The following SLC22A9 variants were observed in gnomAD, a reference collection of about 807,000 sequenced individuals.
The protein encoded by SLC22A9 is organic anion transporter 7.
SLC22A9 carries 64 observed loss-of-function variants against 50.1 expected under a neutral mutation model. The observed-to-expected ratio is 1.28, with a 90% CI of 1.04 to 1.57. The LOEUF is 1.57. Among genes scored for constraint, SLC22A9 ranks in the 40% most tolerant of loss-of-function variants. SLC22A9 has a pLI of 0.00. For synonymous variants in SLC22A9, 261 were observed against 242.5 expected (o/e 1.08, Z -0.71); for missense variants, 757 against 676.1 (o/e 1.12, Z -1.33).
chr11:63,382,205 A>G lies in SLC22A9; in HGVS notation c.1001A>G (p.Lys334Arg), dbSNP rs746551281. ...MKKELEAAQK[K>R]KPSLCEMLHM... Reference sequence around the variant, plus strand: ...AAAGAACTGGAGGCAGCACAAAAAAAAAAACCTTCTCTGTGTGAAATGCTC... The same window carrying G: ...AAAGAACTGGAGGCAGCACAAAAAAGAAAACCTTCTCTGTGTGAAATGCTC... The change falls in exon 6 of 10, where the codon AAA becomes AGA. Residue 334 changes from lysine (K) to arginine (R), a missense_variant. Physicochemically the swap from Lys to Arg is conservative, Grantham distance 26. Coordinates refer to ENST00000279178, the MANE Select transcript of SLC22A9 (RefSeq NM_080866.3). 1.9e-6 allele frequency: 3 copies of G among 1,609,992 alleles called. No individual in the cohort carries two copies. The highest frequency in any genetic ancestry group is 2.2e-5 in the East Asian group (1 of 44,850).
At chr11:63,406,382 A>C (rs959434902) in intron 6 of SLC22A9, 115 bp from the exon 7 acceptor site, 5 of 831,244 alleles carry the variant, frequency 6.0e-6, no homozygotes, top group Non-Finnish European at 9.4e-6. Context: ...TCCATGAAAT[A>C]GACCCAGCCT....
chr11:63,375,622 CCT>C, intron 4 of SLC22A9, 21 bp from the exon 5 acceptor site: 1 of 1,607,956 alleles, frequency 6.2e-7, no homozygotes, highest in Non-Finnish European at 8.5e-7. Context: ...GTCGACTGCC[CCT>C]CTGTTCTCTT....
intron 6 of SLC22A9, among the ~76,000 whole-genome samples, chr11:63,391,743 T>G (rs1241874824): frequency 6.6e-6 from 1 of 152,088 alleles, no homozygotes; most frequent in Admixed American, 6.6e-5. Context: ...TTGAGTCCTG[T>G]TCTTAATCCA....
In SLC22A9 at chr11:63,398,232, G is replaced by GA. The variant is rs534549873; in HGVS notation, c.1074-8262dup. 1.2e-3 allele frequency among the ~76,000 whole-genome samples: 179 copies of GA among 152,252 alleles called. 2 individuals are homozygous for GA. The highest frequency in any genetic ancestry group is 4.2e-3 in the African/African-American group (175 of 41,548). ...CCCAGGACCCTATTCTACTGTGGCT[G>GA]AAATAGTATCCATGTTGCAAGACAA... On this transcript the variant is annotated intron_variant, in intron 6 of 9. Transcript: ENST00000279178.
rs1591024631 is a variant in SLC22A9 at position 63,396,531 on chromosome 11, A to G, written c.1074-9966A>G. 3.3e-5 allele frequency among the ~76,000 whole-genome samples: 5 copies of G among 152,144 alleles called. No homozygotes were observed. The South Asian group carries it at 1.0e-3, about 32-fold the overall frequency. ...TTCTACTTCTGCAGTTTGGGCACTCATCGTATTTGGGATATCTCCTGGCTC... is the reference window on the plus strand; with the variant it reads ...TTCTACTTCTGCAGTTTGGGCACTCGTCGTATTTGGGATATCTCCTGGCTC... On this transcript the variant is annotated intron_variant, in intron 6 of 9. Transcript: ENST00000279178.
At chr11:63,370,509 T>A (rs1358410175) in intron 1 of SLC22A9, 51 bp downstream of exon 1, 2 of 1,507,362 alleles carry the variant, frequency 1.3e-6, no homozygotes, top group Non-Finnish European at 1.8e-6. Flanking sequence ...GTGTTTAGAA[T>A]AACACAAGTA....
At chr11:63,389,759 T>A (rs2014730958) in intron 6 of SLC22A9, among the ~76,000 whole-genome samples, 1 of 152,220 alleles carries the variant, frequency 6.6e-6, no homozygotes, top group African/African-American at 2.4e-5. Flanking sequence ...ATTGCCACAC[T>A]GTCTTCCACA....
Position 63,409,814 on chromosome 11 carries a change from C to T in SLC22A9, c.1614C>T (p.Pro538=), listed in dbSNP as rs762626372. 1 of 1,613,262 alleles carries T rather than the reference C, an allele frequency of 6.2e-7. No individual in the cohort carries two copies. Among genetic ancestry groups the T allele is most frequent in the Non-Finnish European group, 8.5e-7 (1 of 1,179,744 alleles). ...IQDEKNERKD[P]REPKQEDPRV... ...GTATTTGTTCTAGGAGAAAAGACCC[C>T]AGAGAACCAAAGCAAGAGGATCCGA... is the stretch of plus-strand genomic sequence containing the variant. The change falls in exon 10 of 10, where the codon CCC becomes CCT. Residue 538 remains proline, a synonymous_variant. Transcript: ENST00000279178.
In SLC22A9 at chr11:63,409,984, T is replaced by C. The variant is rs2015112242; in HGVS notation, c.*122T>C. The C allele has an allele frequency of 1.9e-6, 2 of 1,053,332 alleles. No homozygotes were observed. Among genetic ancestry groups the C allele is most frequent in the South Asian group, 1.4e-5 (1 of 71,346 alleles). 65.2% of individuals were successfully genotyped at this position (1,053,332 alleles called of 1,614,324 possible). On this transcript the variant is annotated 3_prime_UTR_variant, in exon 10 of 10. Coordinates refer to ENST00000279178, the MANE Select transcript of SLC22A9 (RefSeq NM_080866.3). ...GGCTGGGTGCGGTGGCTCACGCCTG[T>C]AATCCCAGCACCTTGGGAGGCTGAG... is the stretch of plus-strand genomic sequence containing the variant.
At chr11:63,375,808 C>T (rs770939145) in intron 5 of SLC22A9, 40 bp downstream of exon 5, 2 of 1,600,536 alleles carry the variant, frequency 1.2e-6, no homozygotes, top group Non-Finnish European at 1.7e-6. Context: ...GTAGGGAAGA[C>T]ATAACTTGTC....
chr11:63,371,225 C>A lies in SLC22A9; in HGVS notation c.493C>A (p.His165Asn). The A allele has an allele frequency of 6.2e-7, 1 of 1,612,402 alleles. No homozygotes were observed. The highest frequency in any genetic ancestry group is 1.1e-5 in the South Asian group (1 of 90,996). Residue 165 changes from histidine to asparagine, a missense_variant, in exon 2 of 10, where the codon CAT becomes AAT. Transcript: ENST00000279178. ...GATGGTGGGAGGCATCCTAGGCGGT[C>A]ATTTATCAGACAGGTGAGTGTGTAT... is the stretch of plus-strand genomic sequence containing the variant. Reference protein sequence around the residue: ...GMMVGGILGGHLSDRFGRRFV... With the variant: ...GMMVGGILGGNLSDRFGRRFV...
intron 6 of SLC22A9, among the ~76,000 whole-genome samples, chr11:63,383,065 T>C (rs1007868283): frequency 3.3e-5 from 5 of 152,110 alleles, no homozygotes; most frequent in African/African-American, 1.2e-4. Context: ...TCAGAGCACT[T>C]ATGGAACTTG....
In SLC22A9 at chr11:63,369,862, A is replaced by G. The variant is rs1591009719; in HGVS notation, c.-195A>G. On this transcript the variant is annotated 5_prime_UTR_variant, in exon 1 of 10. Transcript: ENST00000279178. ...GTGACTTTAGAGAAAACGGCTACCTATCTGACCCCAAAACGACTTGAGGAA... is the reference window on the plus strand; with the variant it reads ...GTGACTTTAGAGAAAACGGCTACCTGTCTGACCCCAAAACGACTTGAGGAA... 7.5e-6 allele frequency: 4 copies of G among 534,024 alleles called. No individual in the cohort carries two copies. The East Asian group carries it at 1.2e-4, about 16-fold the overall frequency. The allele number at this position is 534,024 out of a possible 1,614,324, so 33.1% of individuals were successfully genotyped here. A position where few individuals can be genotyped will look rare whatever the true frequency, so the allele number is the denominator to read the frequency against.
intron 7 of SLC22A9, among the ~76,000 whole-genome samples, chr11:63,407,614 T>C (rs1421035143): frequency 1.3e-5 from 2 of 152,178 alleles, no homozygotes; most frequent in African/African-American, 4.8e-5. Flanking sequence ...AAAACATTAA[T>C]ACTCTCTAGC....
intron 6 of SLC22A9, among the ~76,000 whole-genome samples, chr11:63,402,472 T>C (rs1457618006): frequency 2.0e-5 from 3 of 152,128 alleles, no homozygotes; most frequent in Non-Finnish European, 2.9e-5. Flanking sequence ...CATTGGTCTA[T>C]GTATCTGCTC....
chr11:63,383,173 G>A (rs2014596662), intron 6 of SLC22A9, among the ~76,000 whole-genome samples: 1 of 152,130 alleles, frequency 6.6e-6, no homozygotes, highest in Non-Finnish European at 1.5e-5. Context: ...GGCAATTTTA[G>A]GTTTCTCCCT....
Position 63,408,747 on chromosome 11 carries a change from T to TA in SLC22A9, c.1471dup (p.Ser491LysfsTer28). ...GCCCTGGCTCCCCTCATGATGATCCTAAGTGTGTATTCTCCACCCCTGCCC... is the reference window on the plus strand; with the variant it reads ...GCCCTGGCTCCCCTCATGATGATCCTAAAGTGTGTATTCTCCACCCCTGCCC... On this transcript the variant is annotated frameshift_variant, in exon 9 of 10. Transcript: ENST00000279178. LOFTEE classifies it high-confidence loss of function. 3.1e-6 allele frequency: 5 copies of TA among 1,614,044 alleles called. No homozygotes were observed. The highest frequency in any genetic ancestry group is 4.2e-6 in the Non-Finnish European group (5 of 1,179,946).
intron 6 of SLC22A9, among the ~76,000 whole-genome samples, chr11:63,403,372 G>C (rs182468159): frequency 6.6e-6 from 1 of 152,114 alleles, no homozygotes; most frequent in East Asian, 1.9e-4. Context: ...ACTGTATCTT[G>C]CATACCATCC....
chr11:63,407,913 C>A (rs541959840), intron 7 of SLC22A9, among the ~76,000 whole-genome samples, 199 bp from the exon 8 acceptor site: 1 of 152,332 alleles, frequency 6.6e-6, no homozygotes, highest in African/African-American at 2.4e-5. Flanking sequence ...CCTTTTTATG[C>A]ATTATTTAAG....
Sources: gnomAD v4.1 joint callset for allele counts (sites outside exome capture counted in the v4.1 genomes callset) on GRCh38, gnomAD v4.1.1 for gene constraint, MANE v1.5 for transcripts, NCBI Gene and HGNC (gene_info 2026-07-23, HGNC 2026-07-21) for gene names.